RIMBP2: variants seen among roughly 807,000 people sequenced by gnomAD.
RIMBP2 encodes RIMS-binding protein 2.
A neutral mutation model predicts 118.6 loss-of-function variants in RIMBP2; 48 were observed. The ratio of observed to expected loss-of-function variants is 0.40; its 90% CI spans 0.32 to 0.51. RIMBP2 has a LOEUF of 0.51. Among genes scored for constraint, RIMBP2 ranks in the 20% least tolerant of loss-of-function variants. RIMBP2 has a pLI of 0.41. For synonymous variants in RIMBP2, 762 were observed against 742.9 expected, an observed-to-expected ratio of 1.03 and a Z score of -0.42; for missense variants, 1,551 against 1,768.3, an observed-to-expected ratio of 0.88 and a Z score of 2.20.
At chr12:130,693,612 C>T (rs948735106) in intron 1 of RIMBP2, among the ~76,000 whole-genome samples, 6 of 152,112 alleles carry the variant, frequency 3.9e-5, no homozygotes, top group South Asian at 2.1e-4. Flanking sequence ...CAGGGCCTAC[C>T]CCATATGCAT....
At chr12:130,646,125 G>C (rs148369716) in intron 1 of RIMBP2, among the ~76,000 whole-genome samples, 7,250 of 19,304 alleles carry the variant, frequency 0.38, 961 homozygotes, top group East Asian at 0.51. Context: ...CTCACCACCT[G>C]CCTCTCCACC....
At chr12:130,513,890 C>A (rs540243785) in intron 3 of RIMBP2, among the ~76,000 whole-genome samples, 26 of 151,696 alleles carry the variant, frequency 1.7e-4, no homozygotes, top group Middle Eastern at 3.4e-3. Flanking sequence ...AATTGCTGAT[C>A]CCCAAGTGTC....
At chr12:130,501,037 C>T (rs879684012) in intron 4 of RIMBP2, among the ~76,000 whole-genome samples, 5 of 152,172 alleles carry the variant, frequency 3.3e-5, no homozygotes, top group East Asian at 1.9e-4. Flanking sequence ...CACGTGGTGA[C>T]GCCCTGACCC....
rs1390283034 is a variant in RIMBP2, at chr12:130,523,361, C to T, written c.-216-5444G>A. 1.3e-5 allele frequency among the ~76,000 whole-genome samples: 2 copies of T among 152,202 alleles called. No individual in the cohort carries two copies. The highest frequency in any genetic ancestry group is 2.9e-5 in the Non-Finnish European group (2 of 68,034). Reference sequence around the variant, plus strand: ...GGTCTTAGACTTCCAGCCTCCAGGACTGAGAGAGAGGAGAGCTCTGTCATT... The same window carrying T: ...GGTCTTAGACTTCCAGCCTCCAGGATTGAGAGAGAGGAGAGCTCTGTCATT... On this transcript the variant is annotated intron_variant, in intron 2 of 22. Coordinates refer to ENST00000690449, the MANE Select transcript of RIMBP2 (RefSeq NM_001393629.1). The surrounding 1 kb of genome is among the most constrained non-coding windows in gnomAD (Gnocchi z 4.4).
intron 2 of RIMBP2, among the ~76,000 whole-genome samples, chr12:130,569,866 G>T (rs1388042321): frequency 6.6e-6 from 1 of 152,074 alleles, no homozygotes; most frequent in Admixed American, 6.5e-5. Context: ...ACAGTAATAC[G>T]TATATGGCCT....
chr12:130,422,569 C>A lies in RIMBP2; in HGVS notation c.3130-8G>T. 1 of 1,585,662 alleles carries A rather than the reference C, an allele frequency of 6.3e-7. No individual in the cohort carries two copies. The highest frequency in any genetic ancestry group is 8.6e-7 in the Non-Finnish European group (1 of 1,161,066). On this transcript the variant is annotated splice_region_variant and splice_polypyrimidine_tract_variant and intron_variant, in intron 16 of 22. Transcript: ENST00000690449. This position sits in a 1 kb window ranked among gnomAD's most constrained non-coding sequence, Gnocchi z 5.2. The stretch of plus-strand genomic sequence containing the variant: ...GGCTGGGTTCCCTAAAATCTAAAGA[C>A]AAAACAACAACAAAGTCGTAAGTCT...
intron 1 of RIMBP2, among the ~76,000 whole-genome samples, chr12:130,675,048 T>C (rs997585789): frequency 2.6e-5 from 4 of 152,124 alleles, no homozygotes; most frequent in Non-Finnish European, 4.4e-5. Context: ...TTACAGATGT[T>C]CCCACCCATT....
At chr12:130,494,011 G>A (rs565498087) in intron 4 of RIMBP2, among the ~76,000 whole-genome samples, 18 of 152,280 alleles carry the variant, frequency 1.2e-4, no homozygotes, top group Admixed American at 9.2e-4. Flanking sequence ...CTTGTGTGGG[G>A]CTGACATCCC....
At chr12:130,503,265 G>A (rs904604083) in intron 4 of RIMBP2, among the ~76,000 whole-genome samples, 2 of 151,816 alleles carry the variant, frequency 1.3e-5, no homozygotes, top group African/African-American at 2.4e-5. Flanking sequence ...GTGTGGTGGT[G>A]TGTGTCTGTA....
chr12:130,479,902 G>C (rs1159917966), intron 4 of RIMBP2, among the ~76,000 whole-genome samples: 2 of 151,574 alleles, frequency 1.3e-5, no homozygotes, highest in Admixed American at 1.3e-4. Flanking sequence ...TGCCCTCTGC[G>C]GGCCCTTCCC....
At chr12:130,691,491 G>C (rs1329242554) in intron 1 of RIMBP2, among the ~76,000 whole-genome samples, 1 of 152,096 alleles carries the variant, frequency 6.6e-6, no homozygotes, top group African/African-American at 2.4e-5. Context: ...GCAACACAGT[G>C]AGGCCCCATC....
chr12:130,492,158 G>A (rs115803026), intron 4 of RIMBP2, among the ~76,000 whole-genome samples: 47 of 152,274 alleles, frequency 3.1e-4, no homozygotes, highest in African/African-American at 1.1e-3. Flanking sequence ...AAATAATGAA[G>A]CATTTATGTA....
intron 1 of RIMBP2, among the ~76,000 whole-genome samples, chr12:130,647,988 A>G (rs1301409650): frequency 7.8e-6 from 1 of 127,578 alleles, no homozygotes; most frequent in Non-Finnish European, 1.9e-5. Context: ...GCTCCGTTGG[A>G]TAACACATGC....
At chr12:130,514,085 C>T (rs1294223223) in intron 3 of RIMBP2, among the ~76,000 whole-genome samples, 1 of 152,220 alleles carries the variant, frequency 6.6e-6, no homozygotes, top group Non-Finnish European at 1.5e-5. Context: ...TCCCTCAATG[C>T]CTCCCATGCA....
chr12:130,413,986 G>T, intron 18 of RIMBP2, 139 bp downstream of exon 18: 1 of 900,764 alleles, frequency 1.1e-6, no homozygotes, highest in Non-Finnish European at 1.7e-6. Context: ...ACAGCACCAT[G>T]CCACCTCCTC....
chr12:130,523,318 C>G lies in RIMBP2; in HGVS notation c.-216-5401G>C, dbSNP rs532859821. On this transcript the variant is annotated intron_variant, in intron 2 of 22. Transcript: ENST00000690449. This position sits in a 1 kb window ranked among gnomAD's most constrained non-coding sequence, Gnocchi z 4.4. Reference sequence around the variant, plus strand: ...TCAAGAAGCGGCTCGCACCAGGAACCGAATCAGCCAGCACCTTGGTCTTAG... The same window carrying G: ...TCAAGAAGCGGCTCGCACCAGGAACGGAATCAGCCAGCACCTTGGTCTTAG... Among the ~76,000 whole-genome samples, 1 of 152,192 alleles carries G rather than the reference C, an allele frequency of 6.6e-6. No individual in the cohort carries two copies. Among genetic ancestry groups the G allele is most frequent in the Non-Finnish European group, 1.5e-5 (1 of 68,036 alleles).
chr12:130,480,198 TAC>T lies in RIMBP2; in HGVS notation c.-3-1184_-3-1183del, dbSNP rs10580090. Among the ~76,000 whole-genome samples the T allele has an allele frequency of 8.8e-3, 1,123 of 128,094 alleles. 8 individuals are homozygous for T. The highest frequency in any genetic ancestry group is 0.023 in the African/African-American group (668 of 28,758). The allele number at this position is 128,094 out of a possible 152,430, so 84.0% of individuals were successfully genotyped here. On this transcript the variant is annotated intron_variant, in intron 4 of 22. Coordinates refer to ENST00000690449, the MANE Select transcript of RIMBP2 (RefSeq NM_001393629.1). ...AGAATTTCATTGTCATTTCCTTTCA[TAC>T]ACACACACACACACACACACACACA...
At chr12:130,423,553 C>T (rs564694473) in intron 16 of RIMBP2, among the ~76,000 whole-genome samples, 70 of 150,876 alleles carry the variant, frequency 4.6e-4, no homozygotes, top group South Asian at 1.3e-3. Flanking sequence ...CAAGCCCAGA[C>T]GGCAGGGCCG....
In RIMBP2 at chr12:130,525,695, A is replaced by AT. The variant is rs1376138674; in HGVS notation, c.-216-7779dup. ...ACGGGGCACTTGGGGATGAGATCGT[A>AT]TGGGGGGAGATGACCCAAGGGGCTC... On this transcript the variant is annotated intron_variant, in intron 2 of 22. Coordinates refer to ENST00000690449, the MANE Select transcript of RIMBP2 (RefSeq NM_001393629.1). This position sits in a 1 kb window ranked among gnomAD's most constrained non-coding sequence, Gnocchi z 4.4. Among the ~76,000 whole-genome samples, 1 of 152,136 alleles carries AT rather than the reference A, an allele frequency of 6.6e-6. No homozygotes were observed. The highest frequency in any genetic ancestry group is 6.5e-5 in the Admixed American group (1 of 15,284).
Sources: allele counts gnomAD v4.1 joint callset (sites outside exome capture counted in the v4.1 genomes callset), GRCh38; gene constraint gnomAD v4.1.1; non-coding constraint Gnocchi (gnomAD v3.1); transcripts MANE v1.5; gene names NCBI Gene and HGNC (gene_info 2026-07-23, HGNC 2026-07-21).